The following LSAMP variants were observed in gnomAD, a reference collection of about 807,000 sequenced individuals.
LSAMP encodes limbic system-associated membrane protein.
A neutral mutation model predicts 38.6 loss-of-function variants in LSAMP; 7 were observed. The observed-to-expected ratio is 0.18, with a 90% CI of 0.10 to 0.34. LSAMP has a LOEUF of 0.34. LSAMP is among the 10% of genes least tolerant of loss of function. The pLI, the probability that LSAMP is intolerant of heterozygous loss-of-function variation, is 1.00. For missense variants in LSAMP, 313 were observed against 420.0 expected, an observed-to-expected ratio of 0.75 and a Z score of 2.23; for synonymous variants, 154 against 166.8, an observed-to-expected ratio of 0.92 and a Z score of 0.59.
chr3:116,336,717 T>C (rs2047924174), intron 1 of LSAMP, among the ~76,000 whole-genome samples: 1 of 151,934 alleles, frequency 6.6e-6, no homozygotes, highest in South Asian at 2.1e-4. Flanking sequence ...ATAGTTGCTA[T>C]GGAAAACAGT....
chr3:116,008,555 A>G (rs565582581), intron 3 of LSAMP, among the ~76,000 whole-genome samples: 49 of 152,326 alleles, frequency 3.2e-4, no homozygotes, highest in African/African-American at 1.1e-3. Context: ...CTCTTTGTAC[A>G]CTAGGCAACA....
intron 2 of LSAMP, among the ~76,000 whole-genome samples, chr3:116,059,039 C>A (rs1941546010): frequency 6.6e-6 from 1 of 151,942 alleles, no homozygotes; most frequent in Non-Finnish European, 1.5e-5. Context: ...TGACACATTC[C>A]CTATCTAGTT....
At chr3:116,232,529 A>T (rs2107628963) in intron 1 of LSAMP, among the ~76,000 whole-genome samples, 1 of 152,264 alleles carries the variant, frequency 6.6e-6, no homozygotes, top group Non-Finnish European at 1.5e-5. Context: ...CTGACTGTTC[A>T]GCCCTGTAGA....
At chr3:116,111,569 A>G (rs1027268600) in intron 1 of LSAMP, among the ~76,000 whole-genome samples, 3 of 152,172 alleles carry the variant, frequency 2.0e-5, no homozygotes, top group African/African-American at 7.2e-5. Flanking sequence ...AGATTTTCAT[A>G]AAGTGATATG....
chr3:115,813,739 ACTT>A (rs1175730558), intron 6 of LSAMP, among the ~76,000 whole-genome samples: 1 of 152,194 alleles, frequency 6.6e-6, no homozygotes, highest in African/African-American at 2.4e-5. Context: ...ATAGGAGACT[ACTT>A]CAGTTAATGG....
rs13069829 is a variant in LSAMP at position 116,107,617 on chromosome 3, C to T, written c.156-21061G>A. Among the ~76,000 whole-genome samples, 159 of 152,110 alleles carry T rather than the reference C, an allele frequency of 1.0e-3. 2 individuals carry two copies. The highest frequency in any genetic ancestry group is 3.5e-3 in the African/African-American group (145 of 41,486). On this transcript the variant is annotated intron_variant, in intron 1 of 6. Transcript: ENST00000490035. ...ATGTGTGTTTTTAAGAGAATTATGC[C>T]GAGATATGTAACAGATGAGAATGAA...
chr3:116,377,751 A>G (rs1196420905), intron 1 of LSAMP, among the ~76,000 whole-genome samples: 1 of 152,050 alleles, frequency 6.6e-6, no homozygotes, highest in Non-Finnish European at 1.5e-5. Context: ...TTGAAATCCC[A>G]TGGAGCCCTT....
At chr3:116,200,430 T>C (rs945474861) in intron 1 of LSAMP, among the ~76,000 whole-genome samples, 6 of 152,220 alleles carry the variant, frequency 3.9e-5, no homozygotes, top group Non-Finnish European at 7.3e-5. Flanking sequence ...GTTTTCCTAA[T>C]AACAGTGGAT....
intron 1 of LSAMP, among the ~76,000 whole-genome samples, chr3:116,425,084 G>A (rs1023555144): frequency 6.6e-6 from 1 of 151,786 alleles, no homozygotes; most frequent in Admixed American, 6.6e-5. Context: ...ATCTGATGGT[G>A]CCTCTAAATC....
chr3:115,973,985 A>G (rs4330250), intron 3 of LSAMP, among the ~76,000 whole-genome samples: 43,890 of 151,988 alleles, frequency 0.29, 7,924 homozygotes, highest in African/African-American at 0.52. Context: ...GTCTTGAATA[A>G]AAATGATGGT....
intron 1 of LSAMP, among the ~76,000 whole-genome samples, chr3:116,125,789 A>AT (rs1012965673): frequency 1.1e-4 from 16 of 152,142 alleles, no homozygotes; most frequent in South Asian, 6.2e-4. Flanking sequence ...ACATGATGGT[A>AT]TTTTTTTCTG....
At chr3:115,847,200 GCTTACA>G (rs147934514) in intron 4 of LSAMP, among the ~76,000 whole-genome samples, 64 of 152,316 alleles carry the variant, frequency 4.2e-4, no homozygotes, top group African/African-American at 1.5e-3. Context: ...GTCACAGCAT[GCTTACA>G]CTCACTGAGC....
chr3:116,366,036 AAAAG>A (rs1204839563), intron 1 of LSAMP, among the ~76,000 whole-genome samples: 3 of 144,512 alleles, frequency 2.1e-5, no homozygotes, highest in African/African-American at 7.5e-5. Flanking sequence ...AAAAAAAAAA[AAAAG>A]AACTTCTGCA....
At chr3:116,412,276 T>C (rs1488115143) in intron 1 of LSAMP, among the ~76,000 whole-genome samples, 1 of 152,054 alleles carries the variant, frequency 6.6e-6, no homozygotes, top group Non-Finnish European at 1.5e-5. Flanking sequence ...AGCAATAGAT[T>C]AGATTGAGTT....
At chr3:116,079,996 T>A (rs957097974) in intron 2 of LSAMP, among the ~76,000 whole-genome samples, 8 of 152,184 alleles carry the variant, frequency 5.3e-5, no homozygotes, top group Non-Finnish European at 1.0e-4. Context: ...GTAGATATCC[T>A]TATTTTAATA....
chr3:115,814,924 G>A lies in LSAMP; in HGVS notation c.920-4510C>T, dbSNP rs369052931. On this transcript the variant is annotated intron_variant, in intron 6 of 6. Coordinates refer to ENST00000490035, the MANE Select transcript of LSAMP (RefSeq NM_002338.5). ...GGACTAAGGCATGTTGGTATCCTGG[G>A]AAGATGCATTTAGAAGGAAGCCTGA... Among the ~76,000 whole-genome samples, 42 of 152,316 alleles carry A rather than the reference G, an allele frequency of 2.8e-4. No homozygotes were observed. The East Asian group carries it at 4.8e-3, about 18-fold the overall frequency.
intron 1 of LSAMP, among the ~76,000 whole-genome samples, chr3:116,126,559 G>A (rs1166722695): frequency 6.6e-6 from 1 of 152,158 alleles, no homozygotes; most frequent in Non-Finnish European, 1.5e-5. Context: ...TATCCCTTAA[G>A]AGGTTAAGAA....
chr3:115,834,491 T>G (rs945728900), intron 6 of LSAMP: 21 of 1,066,946 alleles, frequency 2.0e-5, no homozygotes, highest in Non-Finnish European at 2.7e-5. Context: ...CCCCCCTTTG[T>G]GTGTTTTGCA....
intron 1 of LSAMP, among the ~76,000 whole-genome samples, chr3:116,205,752 C>A (rs1456734145): frequency 1.6e-5 from 1 of 62,428 alleles, no homozygotes; most frequent in Non-Finnish European, 3.2e-5. Context: ...AGGGATGAAG[C>A]CCACTTGATC....
Sources: gnomAD v4.1 joint callset for allele counts (sites outside exome capture counted in the v4.1 genomes callset) on GRCh38, gnomAD v4.1.1 for gene constraint, MANE v1.5 for transcripts, NCBI Gene and HGNC (gene_info 2026-07-23, HGNC 2026-07-21) for gene names.